The following SCAPER variants were observed in gnomAD, a reference collection of about 807,000 sequenced individuals.
SCAPER encodes the protein S-phase cyclin A associated protein in the ER.
Under a neutral mutation model 182.2 loss-of-function variants are expected in SCAPER, and 98 were observed. The observed-to-expected ratio is 0.54, with a 90% CI of 0.46 to 0.64. SCAPER has a LOEUF of 0.64. Among genes scored for constraint, SCAPER ranks in the 30% least tolerant of loss-of-function variants. The probability of loss-of-function intolerance (pLI) is 0.00; values close to 1 mark genes in which losing one functional copy is unlikely to be tolerated. For synonymous variants in SCAPER, 605 were observed against 564.6 expected (o/e 1.07, Z -1.01); for missense variants, 1,432 against 1,690.0 (o/e 0.85, Z 2.68).
At chr15:76,772,125 C>A (rs1320070325) in intron 9 of SCAPER, among the ~76,000 whole-genome samples, 171 bp from the exon 10 acceptor site, 1 of 151,984 alleles carries the variant, frequency 6.6e-6, no homozygotes, top group African/African-American at 2.4e-5. Context: ...AACAAAAGGA[C>A]AGGGACCATT....
At chr15:76,471,364 A>G in intron 24 of SCAPER, 29 bp from the exon 25 acceptor site, 24 of 1,585,272 alleles carry the variant, frequency 1.5e-5, no homozygotes, top group Non-Finnish European at 2.1e-5. Context: ...CACCATTTAT[A>G]AAACCCGAGC....
intron 25 of SCAPER, among the ~76,000 whole-genome samples, chr15:76,461,979 C>T (rs1020397654): frequency 1.3e-5 from 2 of 152,194 alleles, no homozygotes; most frequent in South Asian, 4.1e-4. Flanking sequence ...TTGTCTCATA[C>T]ATGTACAGTA....
chr15:76,378,499 C>T (rs775782270), intron 28 of SCAPER, among the ~76,000 whole-genome samples: 4 of 152,208 alleles, frequency 2.6e-5, no homozygotes, highest in Non-Finnish European at 4.4e-5. Flanking sequence ...TTCTGGAAAA[C>T]TCATCCGTTG....
intron 4 of SCAPER, among the ~76,000 whole-genome samples, chr15:76,848,763 T>C (rs1055635882): frequency 1.3e-5 from 2 of 152,236 alleles, no homozygotes; most frequent in African/African-American, 2.4e-5. Flanking sequence ...AAATGTACTT[T>C]AAAATCTATC....
intron 25 of SCAPER, among the ~76,000 whole-genome samples, chr15:76,467,623 C>T (rs1354206540): frequency 6.6e-6 from 1 of 152,072 alleles, no homozygotes; most frequent in Non-Finnish European, 1.5e-5. Flanking sequence ...ATTCATTCAT[C>T]AAATACTGAA....
In SCAPER at chr15:76,528,906, T is replaced by C. The variant is rs571607986; in HGVS notation, c.2839-23932A>G. On this transcript the variant is annotated intron_variant, in intron 23 of 31. Coordinates refer to ENST00000563290, the MANE Select transcript of SCAPER (RefSeq NM_020843.4). ...GACTGAAGCACCACACTTTCTTCTG[T>C]GCTTCTCTGGGTCTTAGCAAGTGCC... Among the ~76,000 whole-genome samples the C allele has an allele frequency of 5.4e-4, 83 of 152,376 alleles. 2 individuals carry two copies. Among genetic ancestry groups the C allele is most frequent in the Middle Eastern group, 3.4e-3 (1 of 294 alleles).
intron 5 of SCAPER, among the ~76,000 whole-genome samples, chr15:76,827,059 A>G (rs781586267): frequency 6.6e-6 from 1 of 152,104 alleles, no homozygotes; most frequent in Non-Finnish European, 1.5e-5. Context: ...TCTAAATCGT[A>G]ATGAATTAGA....
At chr15:76,448,524 C>CCAT (rs2048160754) in intron 25 of SCAPER, among the ~76,000 whole-genome samples, 1 of 151,928 alleles carries the variant, frequency 6.6e-6, no homozygotes, top group Non-Finnish European at 1.5e-5. Flanking sequence ...TGACTTGGGA[C>CCAT]CATCGGTGTA....
intron 21 of SCAPER, among the ~76,000 whole-genome samples, chr15:76,643,964 T>A (rs561004552): frequency 6.6e-6 from 1 of 152,330 alleles, no homozygotes; most frequent in African/African-American, 2.4e-5. Flanking sequence ...TCTGATCTGA[T>A]GAAGAACTAT....
At chr15:76,421,308 C>T (rs1490779364) in intron 26 of SCAPER, among the ~76,000 whole-genome samples, 2 of 152,208 alleles carry the variant, frequency 1.3e-5, no homozygotes, top group Admixed American at 1.3e-4. Context: ...TTAATGATCG[C>T]CATTCTAACT....
At chr15:76,610,143 C>A (rs1046279425) in intron 22 of SCAPER, among the ~76,000 whole-genome samples, 3 of 152,160 alleles carry the variant, frequency 2.0e-5, no homozygotes, top group African/African-American at 7.2e-5. Context: ...ACTGAGAAAA[C>A]CAGTGCCAGC....
chr15:76,609,150 T>G (rs2050748373), intron 22 of SCAPER, among the ~76,000 whole-genome samples: 1 of 152,192 alleles, frequency 6.6e-6, no homozygotes, highest in African/African-American at 2.4e-5. Flanking sequence ...CTGTTCCTAT[T>G]CGGCCATCTT....
chr15:76,459,624 T>C (rs1337573582), intron 25 of SCAPER, among the ~76,000 whole-genome samples: 3 of 151,838 alleles, frequency 2.0e-5, no homozygotes, highest in African/African-American at 7.3e-5. Context: ...TCCCTTTCAA[T>C]AGTTTGTCTC....
intron 27 of SCAPER, among the ~76,000 whole-genome samples, chr15:76,389,224 G>A (rs183727279): frequency 6.6e-6 from 1 of 152,104 alleles, no homozygotes; most frequent in East Asian, 1.9e-4. Flanking sequence ...AAATAGGCCA[G>A]GCATAGTGGC....
chr15:76,367,915 A>G (rs555838037), intron 29 of SCAPER, among the ~76,000 whole-genome samples: 20 of 151,398 alleles, frequency 1.3e-4, no homozygotes, highest in East Asian at 1.9e-4. Flanking sequence ...CTACTTTTGG[A>G]AAAAAAAACC....
intron 14 of SCAPER, among the ~76,000 whole-genome samples, chr15:76,754,809 A>G (rs1228760366): frequency 2.6e-5 from 4 of 152,094 alleles, no homozygotes; most frequent in Non-Finnish European, 4.4e-5. Context: ...TAGCTCTGCA[A>G]ATTATTGGTT....
At chr15:76,805,679 T>G (rs573139392) in intron 5 of SCAPER, among the ~76,000 whole-genome samples, 1 of 150,518 alleles carries the variant, frequency 6.6e-6, no homozygotes, top group Admixed American at 6.7e-5. Context: ...ACGATTCTCC[T>G]GCCTCAGCCT....
chr15:76,591,068 A>C (rs1163258038), intron 22 of SCAPER, among the ~76,000 whole-genome samples: 1 of 152,202 alleles, frequency 6.6e-6, no homozygotes, highest in African/African-American at 2.4e-5. Context: ...GAATGACTTA[A>C]TGGGTATAAT....
At chr15:76,725,168 G>GA (rs1454413346) in intron 17 of SCAPER, among the ~76,000 whole-genome samples, 1 of 151,762 alleles carries the variant, frequency 6.6e-6, no homozygotes, top group African/African-American at 2.4e-5. Context: ...GGATAAAATA[G>GA]TAACTAAAAA....
Sources: allele counts gnomAD v4.1 joint callset (sites outside exome capture counted in the v4.1 genomes callset), GRCh38; gene constraint gnomAD v4.1.1; transcripts MANE v1.5; gene names NCBI Gene and HGNC (gene_info 2026-07-23, HGNC 2026-07-21).